PELI2: variants seen among roughly 807,000 people sequenced by gnomAD.
PELI2 encodes pellino E3 ubiquitin protein ligase family member 2, also known as E3 ubiquitin-protein ligase pellino homolog 2.
PELI2 carries 23 observed loss-of-function variants against 42.3 expected under a neutral mutation model. The observed-to-expected ratio is 0.54, with a 90% CI of 0.39 to 0.77. The LOEUF (loss-of-function observed/expected upper bound fraction) is 0.77, where lower values mean the gene tolerates loss of function less well. PELI2 is among the 30% of genes least tolerant of loss of function. PELI2 has a pLI of 0.00. For synonymous variants in PELI2, 245 were observed against 212.2 expected, an observed-to-expected ratio of 1.15 and a Z score of -1.34; for missense variants, 463 against 553.2, an observed-to-expected ratio of 0.84 and a Z score of 1.64.
At chr14:56,287,336 C>G (rs1442837314) in intron 3 of PELI2, among the ~76,000 whole-genome samples, 1 of 152,132 alleles carries the variant, frequency 6.6e-6, no homozygotes, top group Non-Finnish European at 1.5e-5. Context: ...TGCAATAAGT[C>G]TTCATTACTT....
At chr14:56,170,455 G>A (rs2052110371) in intron 1 of PELI2, among the ~76,000 whole-genome samples, 1 of 152,148 alleles carries the variant, frequency 6.6e-6, no homozygotes, top group Admixed American at 6.5e-5. Flanking sequence ...TGCACTGTAT[G>A]CCAAAAAATG....
intron 2 of PELI2, among the ~76,000 whole-genome samples, chr14:56,211,136 T>C (rs973268898): frequency 7.9e-5 from 12 of 152,200 alleles, no homozygotes; most frequent in Admixed American, 3.3e-4. Flanking sequence ...TAAGGACAGA[T>C]AAAATCTCAT....
intron 3 of PELI2, among the ~76,000 whole-genome samples, chr14:56,284,146 A>T (rs1889572574): frequency 6.6e-6 from 1 of 152,248 alleles, no homozygotes; most frequent in East Asian, 1.9e-4. Flanking sequence ...TGTTGGAGTC[A>T]GTTAGTAGAC....
intron 5 of PELI2, among the ~76,000 whole-genome samples, chr14:56,296,002 T>A (rs1395259245): frequency 6.6e-6 from 1 of 152,250 alleles, no homozygotes; most frequent in South Asian, 2.1e-4. Context: ...TGTTAATCAG[T>A]CTTATAAGCA....
At chr14:56,184,760 ATATT>A (rs1885707434) in intron 2 of PELI2, among the ~76,000 whole-genome samples, 2 of 152,092 alleles carry the variant, frequency 1.3e-5, no homozygotes, top group African/African-American at 2.4e-5. Context: ...AAATCTGTAT[ATATT>A]AAGACTTGGT....
chr14:56,243,191 TG>T (rs1888037281), intron 2 of PELI2, among the ~76,000 whole-genome samples: 1 of 152,172 alleles, frequency 6.6e-6, no homozygotes, highest in South Asian at 2.1e-4. Context: ...TGGTAGGTCA[TG>T]TAACACAGAA....
At chr14:56,287,530 T>C (rs1003944315) in intron 3 of PELI2, among the ~76,000 whole-genome samples, 2 of 152,232 alleles carry the variant, frequency 1.3e-5, no homozygotes, top group African/African-American at 2.4e-5. Flanking sequence ...TAACAAGTTA[T>C]GTGTTTTCAA....
At chr14:56,172,360 C>T (rs559692947) in intron 1 of PELI2, among the ~76,000 whole-genome samples, 2 of 152,274 alleles carry the variant, frequency 1.3e-5, no homozygotes, top group South Asian at 2.1e-4. Context: ...CCAGGGTAGT[C>T]GGCTTTTCAC....
At chr14:56,235,390 C>T (rs1263001654) in intron 2 of PELI2, among the ~76,000 whole-genome samples, 4 of 152,238 alleles carry the variant, frequency 2.6e-5, no homozygotes, top group Non-Finnish European at 5.9e-5. Flanking sequence ...TTAAAGGGAA[C>T]ATGGAGAAAC....
intron 1 of PELI2, among the ~76,000 whole-genome samples, chr14:56,142,606 T>C (rs1883955924): frequency 1.3e-5 from 2 of 152,260 alleles, no homozygotes. Context: ...TTTACAAAAT[T>C]CTCAAGTTTG....
intron 2 of PELI2, among the ~76,000 whole-genome samples, chr14:56,246,769 G>A (rs1309484273): frequency 6.6e-6 from 1 of 152,170 alleles, no homozygotes; most frequent in Non-Finnish European, 1.5e-5. Flanking sequence ...ATTTACCTAG[G>A]AAGTAGCAGC....
At chr14:56,190,371 C>A (rs977801879) in intron 2 of PELI2, among the ~76,000 whole-genome samples, 14 of 152,030 alleles carry the variant, frequency 9.2e-5, no homozygotes, top group Admixed American at 9.2e-4. Flanking sequence ...CAGATCTTAC[C>A]CAGCATTTTT....
At chr14:56,134,912 A>AAT (rs1315497340) in intron 1 of PELI2, among the ~76,000 whole-genome samples, 1 of 152,142 alleles carries the variant, frequency 6.6e-6, no homozygotes, top group Non-Finnish European at 1.5e-5. Flanking sequence ...TTCTCAAATG[A>AAT]ATATTCATCT....
intron 1 of PELI2, among the ~76,000 whole-genome samples, chr14:56,129,984 T>C (rs954556489): frequency 6.6e-6 from 1 of 152,142 alleles, no homozygotes; most frequent in South Asian, 2.1e-4. Context: ...GGGTGCTCCT[T>C]TTGAATTGAA....
chr14:56,159,820 A>G (rs991082323), intron 1 of PELI2, among the ~76,000 whole-genome samples: 2 of 152,174 alleles, frequency 1.3e-5, no homozygotes, highest in South Asian at 2.1e-4. Context: ...CCCACCTTCA[A>G]GTTGGTCAGT....
chr14:56,199,075 TAA>T (rs1886240444), intron 2 of PELI2, among the ~76,000 whole-genome samples: 1 of 152,234 alleles, frequency 6.6e-6, no homozygotes, highest in Non-Finnish European at 1.5e-5. Flanking sequence ...GTTATTTTCT[TAA>T]GTTTTATTAA....
At chr14:56,234,044 C>T (rs1887689974) in intron 2 of PELI2, among the ~76,000 whole-genome samples, 1 of 152,194 alleles carries the variant, frequency 6.6e-6, no homozygotes, top group African/African-American at 2.4e-5. Context: ...ATCAAAACTA[C>T]AATGAGATAC....
chr14:56,132,191 G>A (rs1194360123), intron 1 of PELI2, among the ~76,000 whole-genome samples: 1 of 152,134 alleles, frequency 6.6e-6, no homozygotes, highest in Admixed American at 6.5e-5. Context: ...GACACTGAGT[G>A]ACTCGTGTGA....
At chr14:56,217,478 G>A (rs969880788) in intron 2 of PELI2, among the ~76,000 whole-genome samples, 1 of 152,218 alleles carries the variant, frequency 6.6e-6, no homozygotes, top group South Asian at 2.1e-4. Flanking sequence ...GGGGAGGACT[G>A]CGTCCGGCTT....
Sources: gnomAD v4.1 joint callset for allele counts (sites outside exome capture counted in the v4.1 genomes callset) on GRCh38, gnomAD v4.1.1 for gene constraint, MANE v1.5 for transcripts, NCBI Gene and HGNC (gene_info 2026-07-23, HGNC 2026-07-21) for gene names.